DLGAP2: variants seen among roughly 807,000 people sequenced by gnomAD.
DLGAP2 encodes disks large-associated protein 2.
In DLGAP2, 26 loss-of-function variants were observed where a neutral mutation model predicts 100.3. The observed-to-expected ratio is 0.26, with a 90% confidence interval of 0.19 to 0.36. The LOEUF (loss-of-function observed/expected upper bound fraction) is 0.36. DLGAP2 is among the 10% of genes least tolerant of loss of function. The pLI is 1.00. For synonymous variants in DLGAP2, 886 were observed against 630.1 expected, an observed-to-expected ratio of 1.41 and a Z score of -6.08; for missense variants, 1,858 against 1,453.2, an observed-to-expected ratio of 1.28 and a Z score of -4.53.
chr8:1,575,457 TA>T (rs1802927276), intron 6 of DLGAP2, among the ~76,000 whole-genome samples: 1 of 27,638 alleles, frequency 3.6e-5, no homozygotes, highest in Non-Finnish European at 6.8e-5. Flanking sequence ...GGATATTCTT[TA>T]TTATTATTAT....
chr8:1,371,808 G>C (rs1802244938), intron 3 of DLGAP2, among the ~76,000 whole-genome samples: 1 of 152,172 alleles, frequency 6.6e-6, no homozygotes, highest in African/African-American at 2.4e-5. Context: ...TCGTGGAACT[G>C]TCCACTCACC....
chr8:1,269,319 T>G (rs1260643881), intron 3 of DLGAP2, among the ~76,000 whole-genome samples: 1 of 152,140 alleles, frequency 6.6e-6, no homozygotes, highest in East Asian at 1.9e-4. Context: ...CTGCAGAGGC[T>G]CCTGGTACGG....
At chr8:767,348 G>GTTTGT (rs1554558464) in intron 1 of DLGAP2, among the ~76,000 whole-genome samples, 1 of 117,934 alleles carries the variant, frequency 8.5e-6, no homozygotes, top group Non-Finnish European at 1.7e-5. Flanking sequence ...GCTGTTGACT[G>GTTTGT]TTTTTTTTTT....
In DLGAP2 at chr8:1,269,327, C is replaced by T. The variant is rs76099750; in HGVS notation, c.106+10444C>T. Among the ~76,000 whole-genome samples the T allele has an allele frequency of 4.6e-3, 703 of 152,264 alleles. 12 individuals carry two copies. In the East Asian group the frequency reaches 0.061, roughly 13 times the overall value. On this transcript the variant is annotated intron_variant, in intron 3 of 14. Coordinates refer to ENST00000637795, the MANE Select transcript of DLGAP2 (RefSeq NM_001346810.2). ...TCCCAGCCTGCAGAGGCTCCTGGTACGGGGAGGATGGGACCTGCTGGAAAG... is the reference window on the plus strand; with the variant it reads ...TCCCAGCCTGCAGAGGCTCCTGGTATGGGGAGGATGGGACCTGCTGGAAAG...
intron 2 of DLGAP2, among the ~76,000 whole-genome samples, chr8:1,173,927 C>A (rs1295792776): frequency 6.6e-6 from 1 of 152,194 alleles, no homozygotes; most frequent in Non-Finnish European, 1.5e-5. Context: ...GTGAGATGAA[C>A]CTGGTACCTC....
chr8:1,460,583 C>T (rs1018243218), intron 3 of DLGAP2, among the ~76,000 whole-genome samples: 3 of 152,162 alleles, frequency 2.0e-5, no homozygotes, highest in African/African-American at 7.2e-5. Context: ...TGATGGTTTT[C>T]GTGACAGGTT....
rs1585321080 is a variant in DLGAP2, at chr8:1,383,471, C to T, written c.107-117895C>T. The stretch of plus-strand genomic sequence containing the variant: ...TAGCCCTGCCTTGTACACACAAGAA[C>T]ACGGATGTGGAGGCTGATAGGCCTT... On this transcript the variant is annotated intron_variant, in intron 3 of 14. Coordinates refer to ENST00000637795, the MANE Select transcript of DLGAP2 (RefSeq NM_001346810.2). 2.0e-5 allele frequency among the ~76,000 whole-genome samples: 3 copies of T among 152,178 alleles called. No homozygotes were observed. The East Asian group carries it at 5.8e-4, about 29-fold the overall frequency.
intron 2 of DLGAP2, among the ~76,000 whole-genome samples, chr8:1,106,854 C>G (rs955072741): frequency 2.0e-5 from 3 of 152,140 alleles, no homozygotes; most frequent in Non-Finnish European, 2.9e-5. Flanking sequence ...GAACTGTGTT[C>G]AAAAGCAAAT....
intron 3 of DLGAP2, among the ~76,000 whole-genome samples, chr8:1,385,159 C>G (rs1417518232): frequency 4.9e-5 from 4 of 81,312 alleles, no homozygotes; most frequent in East Asian, 4.0e-4. Context: ...GAACTTGGTG[C>G]ACAGTTACCC....
At chr8:926,944 C>A in intron 2 of DLGAP2, 1 of 848,696 alleles carries the variant, frequency 1.2e-6, no homozygotes, top group Non-Finnish European at 1.4e-6. Flanking sequence ...AATGCCTCTG[C>A]GCTGTGGGGG....
chr8:1,428,478 A>G (rs781201465), intron 3 of DLGAP2, among the ~76,000 whole-genome samples: 5 of 152,170 alleles, frequency 3.3e-5, no homozygotes, highest in Non-Finnish European at 5.9e-5. Context: ...GGGGAAAGCT[A>G]CTTGGCTAAC....
intron 2 of DLGAP2, among the ~76,000 whole-genome samples, chr8:1,232,304 C>G (rs1479457772): frequency 6.6e-6 from 1 of 152,220 alleles, no homozygotes; most frequent in East Asian, 1.9e-4. Flanking sequence ...CTGTTTGGAC[C>G]TGAGTGGGGG....
At chr8:1,232,581 A>T (rs916634137) in intron 2 of DLGAP2, among the ~76,000 whole-genome samples, 1 of 152,188 alleles carries the variant, frequency 6.6e-6, no homozygotes, top group African/African-American at 2.4e-5. Context: ...GGAACGACTT[A>T]TCCTTTACAT....
intron 2 of DLGAP2, among the ~76,000 whole-genome samples, chr8:1,023,525 G>C (rs1339916852): frequency 6.6e-6 from 1 of 152,152 alleles, no homozygotes. Flanking sequence ...AGCAACAAGC[G>C]AGTTACTGAG....
intron 3 of DLGAP2, among the ~76,000 whole-genome samples, chr8:1,331,166 G>C (rs991037418): frequency 1.3e-5 from 2 of 152,236 alleles, no homozygotes; most frequent in African/African-American, 4.8e-5. Context: ...AGTGCACTGG[G>C]GGAAGTGGAT....
intron 3 of DLGAP2, among the ~76,000 whole-genome samples, chr8:1,268,061 A>C (rs1483231319): frequency 1.3e-5 from 2 of 152,222 alleles, no homozygotes; most frequent in East Asian, 1.9e-4. Flanking sequence ...TGAGATTGCG[A>C]CAATTACCCA....
intron 1 of DLGAP2, among the ~76,000 whole-genome samples, chr8:881,332 G>C (rs916238707): frequency 6.6e-6 from 1 of 152,038 alleles, no homozygotes; most frequent in Non-Finnish European, 1.5e-5. Context: ...CGTTTGCCCC[G>C]ATAATTTGAC....
chr8:1,501,645 C>G (rs1799727412), intron 4 of DLGAP2, among the ~76,000 whole-genome samples: 1 of 152,240 alleles, frequency 6.6e-6, no homozygotes, highest in African/African-American at 2.4e-5. Context: ...GCTCCTGGCC[C>G]TCAGGAACTG....
chr8:943,154 G>T (rs1285317778), intron 2 of DLGAP2, among the ~76,000 whole-genome samples: 1 of 152,178 alleles, frequency 6.6e-6, no homozygotes, highest in Non-Finnish European at 1.5e-5. Context: ...TACAATTTTA[G>T]GGGCTATTTT....
Sources: allele counts gnomAD v4.1 joint callset (sites outside exome capture counted in the v4.1 genomes callset), GRCh38; gene constraint gnomAD v4.1.1; transcripts MANE v1.5; gene names NCBI Gene and HGNC (gene_info 2026-07-23, HGNC 2026-07-21).